Variants in DMWD observed in about 807,000 individuals in gnomAD.
DMWD encodes the protein dystrophia myotonica WD repeat-containing protein.
A neutral mutation model predicts 45.8 loss-of-function variants in DMWD; 19 were observed. That is an observed-to-expected ratio of 0.41 (90% CI 0.29 to 0.61). The LOEUF is 0.61. Among genes scored for constraint, DMWD ranks in the 20% least tolerant of loss-of-function variants. The pLI, the probability that DMWD is intolerant of heterozygous loss-of-function variation, is 0.25. For synonymous variants in DMWD, 515 were observed against 440.5 expected, an observed-to-expected ratio of 1.17 and a Z score of -2.12; for missense variants, 802 against 965.2, an observed-to-expected ratio of 0.83 and a Z score of 2.24.
intron 1 of DMWD, 48 bp downstream of exon 1, chr19:45,792,268 A>G: frequency 6.3e-7 from 1 of 1,578,040 alleles, no homozygotes. Context: ...AGTTCTCTGG[A>G]ACCTCCATCC....
intron 3 of DMWD, among the ~76,000 whole-genome samples, 193 bp from the exon 4 acceptor site, chr19:45,784,908 T>C (rs926203584): frequency 3.3e-5 from 5 of 152,116 alleles, no homozygotes; most frequent in South Asian, 2.1e-4. Flanking sequence ...CCTAAGAAGC[T>C]GAGACACCCA....
chr19:45,786,247 G>A lies in DMWD; in HGVS notation c.1249C>T (p.Pro417Ser), dbSNP rs770790818. Residue 417 changes from proline (P) to serine (S), a missense_variant, in exon 3 of 5, where the codon CCG (proline) becomes TCG (serine). This residue lies in a region of DMWD where 67 missense variants were observed against 57.9 expected (regional missense o/e 1.16). Coordinates refer to ENST00000270223, the MANE Select transcript of DMWD (RefSeq NM_004943.2). ...CCAGCCTTGGGCAGTGGAGAGAGCG[G>A]GGCGCCCCCGGCCGAGCCTGTGCCC... The part of the protein sequence containing the change: ...AAGTGSAGGA[P>S]LSPLPKAGSI... 1 of 1,608,192 alleles carries A rather than the reference G, an allele frequency of 6.2e-7. No individual in the cohort carries two copies. The highest frequency in any genetic ancestry group is 8.5e-7 in the Non-Finnish European group (1 of 1,176,698).
intron 3 of DMWD, chr19:45,785,122 T>G: frequency 9.9e-7 from 1 of 1,012,196 alleles, no homozygotes; most frequent in Non-Finnish European, 1.2e-6. Flanking sequence ...AGGCCTGGGA[T>G]TCCCAGCCTG....
In DMWD at chr19:45,792,392, C is replaced by A. The variant is rs1291920059; in HGVS notation, c.365G>T (p.Gly122Val). ...CAAGTTGAAGCAGACGCGGTCTCCC[C>A]CCGAGCCCAGCCCCGCGGGCGTGGC... The part of the protein sequence containing the change: ...PPATPAGLGS[G>V]GDRVCFNLGR... Residue 122 changes from glycine (G) to valine (V), a missense_variant, in exon 1 of 5, where the codon GGG becomes GTG. Physicochemically the swap from Gly to Val is moderately radical, Grantham distance 109 (BLOSUM62 -3). Around this residue, in one of 9 missense-constraint regions of DMWD, gnomAD observed 82 missense variants for 92.9 expected, o/e 0.88. Transcript: ENST00000270223. 1 of 1,603,070 alleles carries A rather than the reference C, an allele frequency of 6.2e-7. No individual in the cohort carries two copies. Among genetic ancestry groups the A allele is most frequent in the Non-Finnish European group, 8.5e-7 (1 of 1,175,342 alleles).
At chr19:45,788,021 G>A (rs1568593036) in intron 2 of DMWD, among the ~76,000 whole-genome samples, 1 of 152,184 alleles carries the variant, frequency 6.6e-6, no homozygotes. Context: ...AGGTTGCAGT[G>A]AGGGGAGATC....
At chr19:45,784,822 G>A (rs1970249535) in intron 3 of DMWD, 107 bp from the exon 4 acceptor site, 7 of 1,492,934 alleles carry the variant, frequency 4.7e-6, no homozygotes, top group Non-Finnish European at 4.5e-6. Flanking sequence ...AGGGACTCAG[G>A]ACTCTACGAT....
rs756031516 is a variant in DMWD, at chr19:45,786,744, G to A, written c.752C>T (p.Pro251Leu). The A allele has an allele frequency of 2.2e-5, 35 of 1,613,974 alleles. No individual in the cohort carries two copies. Among genetic ancestry groups the A allele is most frequent in the African/African-American group, 8.0e-5 (6 of 74,954 alleles). Residue 251 changes from proline to leucine, a missense_variant, in exon 3 of 5, where the codon CCG becomes CTG. By Grantham distance (98) the Pro-to-Leu change is moderately conservative. Around this residue, in one of 9 missense-constraint regions of DMWD, gnomAD observed 146 missense variants for 212.8 expected, o/e 0.69. Transcript: ENST00000270223. ...CTGCTTCAGCAGGCTGTACTGGGGCGGGGCCGAGGCGCAGGGGTGGCTGAC... is the reference window on the plus strand; with the variant it reads ...CTGCTTCAGCAGGCTGTACTGGGGCAGGGCCGAGGCGCAGGGGTGGCTGAC... ...YNVSHPCASA[P>L]PQYSLLKQGE...
At chr19:45,785,419 C>T in intron 3 of DMWD, 175 bp downstream of exon 3, 3 of 1,318,500 alleles carry the variant, frequency 2.3e-6, no homozygotes, top group African/African-American at 1.5e-5. Context: ...GGCTAGACCC[C>T]CTCACTCTAA....
At position 45,792,447 on chromosome 19, in the gene DMWD, G is replaced by C. The variant is rs536428243; in HGVS notation, c.310C>G (p.Pro104Ala). Reference sequence around the variant, plus strand: ...GGCTCCCCGGCCCCGGCGCTGTCCGGCTCCCCGAGGCGCACGAGGCTGAGG... The same window carrying C: ...GGCTCCCCGGCCCCGGCGCTGTCCGCCTCCCCGAGGCGCACGAGGCTGAGG... ...VRLSLVRLGE[P>A]DSAGAGEPPA... Residue 104 changes from proline to alanine, a missense_variant, in exon 1 of 5, where the codon CCG becomes GCG. Pro to Ala is a conservative substitution (Grantham distance 27). Transcript: ENST00000270223. 6.7e-7 allele frequency: 1 copy of C among 1,494,284 alleles called. No homozygotes were observed. Among genetic ancestry groups the C allele is most frequent in the South Asian group, 1.3e-5 (1 of 79,016 alleles). The allele number at this position is 1,494,284 out of a possible 1,614,324, so 92.6% of individuals were successfully genotyped here. A position where few individuals can be genotyped will look rare whatever the true frequency, so the allele number is the denominator to read the frequency against.
In DMWD at chr19:45,784,678, C is replaced by T. The variant is rs928590535; in HGVS notation, c.1940G>A (p.Gly647Glu). ...CTTGCTGGGTGACCTGGGCCAACTTCCTTCCCCTGTCTGGGCCTCGGTCTC... is the reference window on the plus strand; with the variant it reads ...CTTGCTGGGTGACCTGGGCCAACTTTCTTCCCCTGTCTGGGCCTCGGTCTC... The part of the protein sequence containing the change: ...DEETEAQTGE[G>E]SWPRSPSKSV... Residue 647 changes from glycine (G) to glutamate (E), a missense_variant, in exon 4 of 5, where the codon GGA becomes GAA. Coordinates refer to ENST00000270223, the MANE Select transcript of DMWD (RefSeq NM_004943.2). The T allele has an allele frequency of 1.9e-6, 3 of 1,613,720 alleles. No individual in the cohort carries two copies. In the Admixed American group the frequency reaches 5.0e-5, roughly 27 times the overall value.
At position 45,791,145 on chromosome 19, in the gene DMWD, A is replaced by G. The variant is rs1970352467; in HGVS notation, c.442-58T>C. On this transcript the variant is annotated intron_variant, in intron 1 of 4. Coordinates refer to ENST00000270223, the MANE Select transcript of DMWD (RefSeq NM_004943.2). ...TATGCCACTGAGGAGAAGGAAGAGG[A>G]TGTTGAGGTTGGGGGAAACCACTAA... The G allele has an allele frequency of 2.0e-6, 3 of 1,522,458 alleles. No individual in the cohort carries two copies. The East Asian group carries it at 6.9e-5, about 35-fold the overall frequency. 94.3% of individuals were successfully genotyped at this position (1,522,458 alleles called of 1,614,324 possible). A position where few individuals can be genotyped will look rare whatever the true frequency, so the allele number is the denominator to read the frequency against.
chr19:45,787,169 T>G, intron 2 of DMWD: 1 of 482,368 alleles, frequency 2.1e-6, no homozygotes, highest in Non-Finnish European at 3.8e-6. Flanking sequence ...AATTGTCCTG[T>G]ATCTCGGGGT....
At chr19:45,790,829 G>A in intron 2 of DMWD, 76 bp downstream of exon 2, 13 of 1,513,074 alleles carry the variant, frequency 8.6e-6, no homozygotes, top group South Asian at 1.3e-5. Flanking sequence ...CTGTTCCGCA[G>A]GCAGCTGCAT....
chr19:45,786,047 T>C lies in DMWD; in HGVS notation c.1449A>G (p.Pro483=). 6.5e-7 allele frequency: 1 copy of C among 1,530,468 alleles called. No individual in the cohort carries two copies. Among genetic ancestry groups the C allele is most frequent in the South Asian group, 1.3e-5 (1 of 79,458 alleles). The allele number at this position is 1,530,468 out of a possible 1,614,324, so 94.8% of individuals were successfully genotyped here. ...ASSSRGGEPG[P]GPLPRSLSRS... is the part of the protein sequence containing the mutation. ...GGGACAGCGAGCGAGGCAGGGGGCC[T>C]GGGCCAGGCTCGCCACCCCTCGAGC... Residue 483 remains proline, a synonymous_variant, in exon 3 of 5, where the codon CCA becomes CCG. Transcript: ENST00000270223.
At chr19:45,784,512 G>A in intron 4 of DMWD, 129 bp downstream of exon 4, 2 of 1,476,134 alleles carry the variant, frequency 1.4e-6, no homozygotes, top group Non-Finnish European at 1.8e-6. Context: ...AATAATCAAA[G>A]TCCTTGGCGG....
At chr19:45,789,666 C>T (rs1328823335) in intron 2 of DMWD, 1 of 152,254 alleles carries the variant, frequency 6.6e-6, no homozygotes, top group Non-Finnish European at 1.5e-5. Context: ...TATTTACTAG[C>T]CTCAATTCTC....
At chr19:45,791,201 T>G (rs961380631) in intron 1 of DMWD, 114 bp from the exon 2 acceptor site, 132 of 1,114,824 alleles carry the variant, frequency 1.2e-4, no homozygotes, top group Non-Finnish European at 1.6e-4. Flanking sequence ...CAGAGGGAAG[T>G]GGGGAGGTGA....
At position 45,786,008 on chromosome 19, in the gene DMWD, G is replaced by A; in HGVS notation, c.1488C>T (p.Leu496=). 6.4e-7 allele frequency: 1 copy of A among 1,562,910 alleles called. No individual in the cohort carries two copies. Among genetic ancestry groups the A allele is most frequent in the Non-Finnish European group, 8.7e-7 (1 of 1,155,056 alleles). Residue 496 remains leucine (L), a synonymous_variant, in exon 3 of 5, where the codon CTC becomes CTT. Transcript: ENST00000270223. ...CCTTGCCCCCGCCAGCTGGGTGCGG[G>A]AGACTGTTGGAGCGGGACAGCGAGC... ...LPRSLSRSNS[L]PHPAGGGKAG...
In DMWD at chr19:45,786,557, G is replaced by C. The variant is rs1268650604; in HGVS notation, c.939C>G (p.Phe313Leu). ...SQDGCLRVFHFDSMLLRGLMK... is the reference protein window; with the variant it reads ...SQDGCLRVFHLDSMLLRGLMK... ...TGAGCCCACGCAGGAGCATGGAGTCGAAGTGGAAGACGCGCAGGCAGCCAT... is the reference window on the plus strand; with the variant it reads ...TGAGCCCACGCAGGAGCATGGAGTCCAAGTGGAAGACGCGCAGGCAGCCAT... The change falls in exon 3 of 5, where the codon TTC becomes TTG. Residue 313 changes from phenylalanine (F) to leucine (L), a missense_variant. This residue lies in a region of DMWD where 146 missense variants were observed against 212.8 expected (regional missense o/e 0.69). Transcript: ENST00000270223. 3.1e-6 allele frequency: 5 copies of C among 1,613,930 alleles called. No individual in the cohort carries two copies. The highest frequency in any genetic ancestry group is 1.3e-5 in the African/African-American group (1 of 74,932).
Sources: gnomAD v4.1 joint callset for allele counts (sites outside exome capture counted in the v4.1 genomes callset) on GRCh38, gnomAD v4.1.1 for gene constraint, gnomAD v4.1.1 regional missense constraint, MANE v1.5 for transcripts, NCBI Gene and HGNC (gene_info 2026-07-23, HGNC 2026-07-21) for gene names.